WDR17: variants seen among roughly 807,000 people sequenced by gnomAD.
The protein encoded by WDR17 is WD repeat domain 17, also known as WD repeat-containing protein 17.
A neutral mutation model predicts 161.7 loss-of-function variants in WDR17; 143 were observed. That is an observed-to-expected ratio of 0.88 (90% CI 0.77 to 1.02). The LOEUF is 1.02. Ranked by LOEUF, WDR17 falls within the 50% of genes least tolerant of loss-of-function variation. WDR17 has a pLI of 0.00. For missense variants in WDR17, 1,469 were observed against 1,520.9 expected (o/e 0.97, Z 0.57); for synonymous variants, 517 against 515.6 (o/e 1.00, Z -0.04).
chr4:176,091,709 G>T (rs1164452844), intron 1 of WDR17, among the ~76,000 whole-genome samples: 1 of 151,722 alleles, frequency 6.6e-6, no homozygotes, highest in African/African-American at 2.4e-5. Flanking sequence ...TTTCAGAAAA[G>T]ATAAATAAAA....
intron 7 of WDR17, among the ~76,000 whole-genome samples, chr4:176,132,685 A>T (rs950360308): frequency 6.6e-5 from 10 of 152,018 alleles, no homozygotes; most frequent in Non-Finnish European, 1.2e-4. Context: ...TTTTGTAGAT[A>T]TTCATTTGAA....
At chr4:176,118,258 T>C (rs1740953257) in intron 3 of WDR17, among the ~76,000 whole-genome samples, 1 of 152,194 alleles carries the variant, frequency 6.6e-6, no homozygotes, top group South Asian at 2.1e-4. Flanking sequence ...ACACTGTTTC[T>C]GGTCCTTTCG....
At chr4:176,163,118 T>C (rs1451196095) in intron 21 of WDR17, 36 bp from the exon 22 acceptor site, 2 of 1,613,908 alleles carry the variant, frequency 1.2e-6, no homozygotes, top group South Asian at 2.2e-5. Context: ...ACCCAGCTTC[T>C]ATGCAACTGA....
chr4:176,156,255 A>C, intron 18 of WDR17, 112 bp downstream of exon 18: 4 of 987,806 alleles, frequency 4.0e-6, no homozygotes, highest in Non-Finnish European at 5.9e-6. Context: ...ATGTTGTCTT[A>C]AATAACAATT....
At chr4:176,092,131 A>G (rs1337866322) in intron 1 of WDR17, among the ~76,000 whole-genome samples, 1 of 152,186 alleles carries the variant, frequency 6.6e-6, no homozygotes, top group African/African-American at 2.4e-5. Flanking sequence ...AAAACCAGAC[A>G]AAGACCCAAC....
intron 17 of WDR17, among the ~76,000 whole-genome samples, chr4:176,152,653 G>C (rs980693332): frequency 6.8e-6 from 1 of 148,022 alleles, no homozygotes; most frequent in Non-Finnish European, 1.5e-5. Flanking sequence ...CTGCGTGCTG[G>C]CTCACACTTT....
intron 8 of WDR17, 133 bp downstream of exon 8, chr4:176,135,409 T>C (rs900215122): frequency 5.8e-6 from 6 of 1,036,096 alleles, no homozygotes; most frequent in Non-Finnish European, 7.1e-6. Flanking sequence ...TGTGAACATA[T>C]TTGTTGATTC....
At position 176,157,493 on chromosome 4, in the gene WDR17, T is replaced by A. The variant is rs1447598172; in HGVS notation, c.2525+1350T>A. On this transcript the variant is annotated intron_variant, in intron 18 of 28. Coordinates refer to ENST00000508596, the MANE Select transcript of WDR17 (RefSeq NM_181265.4). The stretch of plus-strand genomic sequence containing the variant: ...TGTAGCCCTCAGATTTTAGGCTCCC[T>A]CTCCTGAGCTTTAAGAATCCCCAGT... Among the ~76,000 whole-genome samples the A allele has an allele frequency of 2.0e-5, 3 of 152,204 alleles. No homozygotes were observed. The East Asian group carries it at 5.8e-4, about 29-fold the overall frequency.
chr4:176,079,849 G>A (rs1195479517), intron 1 of WDR17, among the ~76,000 whole-genome samples: 2 of 151,942 alleles, frequency 1.3e-5, no homozygotes, highest in African/African-American at 4.8e-5. Context: ...GGCGAGGGGG[G>A]GTGAGCATGC....
chr4:176,108,711 T>C (rs1382355137), intron 1 of WDR17, among the ~76,000 whole-genome samples: 1 of 152,192 alleles, frequency 6.6e-6, no homozygotes, highest in African/African-American at 2.4e-5. Context: ...TACTTATTGC[T>C]CAATTTTGCT....
chr4:176,091,531 A>G (rs921179534), intron 1 of WDR17, among the ~76,000 whole-genome samples: 1 of 152,188 alleles, frequency 6.6e-6, no homozygotes, highest in Non-Finnish European at 1.5e-5. Flanking sequence ...AAATGCCTAC[A>G]TCAAAAAAGT....
rs576997046 is a variant in WDR17, at chr4:176,174,226, G to A, written c.3348-391G>A. 3.0e-4 allele frequency among the ~76,000 whole-genome samples: 45 copies of A among 152,074 alleles called. No homozygotes were observed. The Middle Eastern group carries it at 0.01, about 34-fold the overall frequency. ...ATGGAAAAAATGATGCAGCAGCCTG[G>A]GAGACTGGCTAACTCCCTCAGCAAG... On this transcript the variant is annotated intron_variant, in intron 25 of 28. Coordinates refer to ENST00000508596, the MANE Select transcript of WDR17 (RefSeq NM_181265.4).
At chr4:176,155,545 G>GTTTTTTTTTTTCT (rs1747940782) in intron 17 of WDR17, among the ~76,000 whole-genome samples, 1 of 105,248 alleles carries the variant, frequency 9.5e-6, no homozygotes, top group Non-Finnish European at 1.9e-5. Context: ...ATTTGTTTGT[G>GTTTTTTTTTTTCT]TTTTTTTTTT....
intron 3 of WDR17, among the ~76,000 whole-genome samples, chr4:176,118,149 A>G (rs1209838780): frequency 6.6e-6 from 1 of 152,166 alleles, no homozygotes; most frequent in Non-Finnish European, 1.5e-5. Flanking sequence ...AATACTACCT[A>G]CCTATCTCAG....
chr4:176,153,107 G>A (rs1254059432), intron 17 of WDR17, among the ~76,000 whole-genome samples: 3 of 152,132 alleles, frequency 2.0e-5, no homozygotes, highest in Non-Finnish European at 4.4e-5. Context: ...AGAAACTGCG[G>A]GGTTGGAGCC....
At chr4:176,130,536 A>C (rs1386703939) in intron 6 of WDR17, among the ~76,000 whole-genome samples, 1 of 152,114 alleles carries the variant, frequency 6.6e-6, no homozygotes. Flanking sequence ...CAAGGTCAGG[A>C]GATCGAGACC....
chr4:176,171,353 G>A (rs535768218), intron 23 of WDR17, among the ~76,000 whole-genome samples: 1 of 152,204 alleles, frequency 6.6e-6, no homozygotes, highest in Non-Finnish European at 1.5e-5. Context: ...TCAAGGTGAA[G>A]AACCTATGTC....
intron 1 of WDR17, 140 bp from the exon 2 acceptor site, chr4:176,111,435 A>T: frequency 1.1e-6 from 1 of 896,430 alleles, no homozygotes; most frequent in Non-Finnish European, 1.5e-6. Context: ...TGTTCTCTGA[A>T]AATAAAAGTC....
chr4:176,162,637 A>G (rs539738090), intron 21 of WDR17, among the ~76,000 whole-genome samples: 2 of 152,344 alleles, frequency 1.3e-5, no homozygotes, highest in African/African-American at 4.8e-5. Flanking sequence ...AAGAAAAAAT[A>G]CAAATGAAAG....
Sources: allele counts gnomAD v4.1 joint callset (sites outside exome capture counted in the v4.1 genomes callset), GRCh38; gene constraint gnomAD v4.1.1; transcripts MANE v1.5; gene names NCBI Gene and HGNC (gene_info 2026-07-23, HGNC 2026-07-21).